The following ERMARD variants were observed in gnomAD, a reference collection of about 807,000 sequenced individuals.
ERMARD encodes endoplasmic reticulum membrane-associated RNA degradation protein.
A neutral mutation model predicts 83.9 loss-of-function variants in ERMARD; 71 were observed. The ratio of observed to expected loss-of-function variants is 0.85; its 90% CI spans 0.70 to 1.03. The LOEUF is 1.03. Ranked by LOEUF, ERMARD falls within the 50% of genes least tolerant of loss-of-function variation. ERMARD has a pLI of 0.00. For missense variants in ERMARD, 838 were observed against 810.9 expected (o/e 1.03, Z -0.41); for synonymous variants, 284 against 298.6 (o/e 0.95, Z 0.50).
At chr6:169,751,540 A>T (rs1019151316), upstream of ERMARD, 6 of 1,610,604 alleles carry the variant, frequency 3.7e-6, no homozygotes, top group Admixed American at 1.0e-4. Flanking sequence ...CGAGGGCGGA[A>T]GTCTCCCACC....
At chr6:169,758,907 A>C in intron 5 of ERMARD, 61 bp from the exon 6 acceptor site, 7 of 1,425,986 alleles carry the variant, frequency 4.9e-6, no homozygotes, top group Non-Finnish European at 6.9e-6. Flanking sequence ...TGTTATCTTC[A>C]TACTATATTG....
chr6:169,776,802 A>G (rs1793664101), intron 16 of ERMARD, 129 bp downstream of exon 16: 2 of 1,092,800 alleles, frequency 1.8e-6, no homozygotes. Flanking sequence ...GTGTTGATAT[A>G]CTTGGAGTCC....
rs531399004 is a variant in ERMARD at position 169,767,122 on chromosome 6, G to A, written c.990+455G>A. On this transcript the variant is annotated intron_variant, in intron 10 of 17. Transcript: ENST00000366773. ...CACAGGCATTTGTGTGCGTAACCCCGGGTAGCGTTCATGTGCACCTAAAGT... is the reference window on the plus strand; with the variant it reads ...CACAGGCATTTGTGTGCGTAACCCCAGGTAGCGTTCATGTGCACCTAAAGT... The A allele has an allele frequency of 5.8e-5, 9 of 154,108 alleles. No homozygotes were observed. In the South Asian group the frequency reaches 1.4e-3, roughly 24 times the overall value. The allele number at this position is 154,108 out of a possible 1,614,324, so 9.5% of individuals were successfully genotyped here. A position where few individuals can be genotyped will look rare whatever the true frequency, so the allele number is the denominator to read the frequency against.
chr6:169,751,423 G>T (rs1210166578), upstream of ERMARD: 1 of 1,614,168 alleles, frequency 6.2e-7, no homozygotes, highest in South Asian at 1.1e-5. Context: ...GGGTCTGGAT[G>T]GGGCTCGACT....
upstream of ERMARD, chr6:169,751,595 C>A: frequency 6.3e-7 from 1 of 1,597,232 alleles, no homozygotes; most frequent in Admixed American, 1.8e-5. Context: ...TCCAAAGCGC[C>A]TGGAGGAGGG....
chr6:169,752,463 G>T (rs1301086317), intron 1 of ERMARD, among the ~76,000 whole-genome samples: 1 of 152,198 alleles, frequency 6.6e-6, no homozygotes. Flanking sequence ...GCCCCATAGA[G>T]CCACATGGAG....
At chr6:169,752,373 G>A (rs748820510) in intron 1 of ERMARD, among the ~76,000 whole-genome samples, 2 of 152,224 alleles carry the variant, frequency 1.3e-5, no homozygotes, top group Non-Finnish European at 2.9e-5. Context: ...TCCAAGGCAA[G>A]AGGTAGTCAG....
intron 16 of ERMARD, among the ~76,000 whole-genome samples, chr6:169,778,658 A>G (rs775169951): frequency 6.6e-6 from 1 of 152,206 alleles, no homozygotes; most frequent in Non-Finnish European, 1.5e-5. Context: ...TTATAAGACA[A>G]GGTCATTCTC....
chr6:169,776,780 C>A, intron 16 of ERMARD, 107 bp downstream of exon 16: 1 of 1,301,208 alleles, frequency 7.7e-7, no homozygotes, highest in Non-Finnish European at 1.1e-6. Context: ...CCTCACTGAA[C>A]CCCATCGACA....
At chr6:169,755,200 C>A in intron 2 of ERMARD, 83 bp from the exon 3 acceptor site, 2 of 1,469,922 alleles carry the variant, frequency 1.4e-6, no homozygotes, top group South Asian at 1.3e-5. Context: ...ATAATTAAAG[C>A]ATTTTTTTCT....
intron 12 of ERMARD, 92 bp downstream of exon 12, chr6:169,769,805 T>G: frequency 8.5e-7 from 1 of 1,182,192 alleles, no homozygotes; most frequent in Non-Finnish European, 1.1e-6. Context: ...CTGTTAATCA[T>G]CTTTTAATAT....
chr6:169,781,415 C>T lies in ERMARD; in HGVS notation c.1939C>T (p.Leu647Phe). 6.2e-7 allele frequency: 1 copy of T among 1,613,472 alleles called. No individual in the cohort carries two copies. The highest frequency in any genetic ancestry group is 1.7e-5 in the Admixed American group (1 of 59,936). The change falls in exon 18 of 18, where the codon CTT (leucine) becomes TTT (phenylalanine). Residue 647 changes from leucine (L) to phenylalanine (F), a missense_variant. Transcript: ENST00000366773. Reference sequence around the variant, plus strand: ...GAACAAGTGGAATGAAACTATCAATCTTACACATACAGCTTTGTTGAAAAT... The same window carrying T: ...GAACAAGTGGAATGAAACTATCAATTTTACACATACAGCTTTGTTGAAAAT... The part of the protein sequence containing the change: ...EKNKWNETIN[L>F]THTALLKMWT...
Position 169,775,317 on chromosome 6 carries a change from C to T in ERMARD, c.1365C>T (p.Phe455=), listed in dbSNP as rs1793450887. ...TCAGGGTTTGGGCTCTGCTGCCTTTCCCCGAAGAACTCACTCGGCAAGCCG... is the reference window on the plus strand; with the variant it reads ...TCAGGGTTTGGGCTCTGCTGCCTTTTCCCGAAGAACTCACTCGGCAAGCCG... The part of the protein sequence containing the change: ...ESIRVWALLP[F]PEELTRQAVR... The change falls in exon 14 of 18, where the codon TTC becomes TTT. Residue 455 remains phenylalanine, a synonymous_variant. Transcript: ENST00000366773. 3 of 1,614,044 alleles carry T rather than the reference C, an allele frequency of 1.9e-6. No individual in the cohort carries two copies.
At chr6:169,758,503 T>C (rs1199814843) in intron 5 of ERMARD, among the ~76,000 whole-genome samples, 2 of 152,266 alleles carry the variant, frequency 1.3e-5, no homozygotes, top group African/African-American at 4.8e-5. Flanking sequence ...GCATCTGCCC[T>C]GCTGCCTCTG....
intron 3 of ERMARD, 165 bp downstream of exon 3, chr6:169,755,587 G>A: frequency 1.3e-6 from 1 of 757,656 alleles, no homozygotes. Flanking sequence ...GGTCTCCAAA[G>A]CCTGAGCTGA....
In ERMARD at chr6:169,762,570, T is replaced by C. The variant is rs1247364712; in HGVS notation, c.960+39T>C. On this transcript the variant is annotated intron_variant, in intron 9 of 17. Coordinates refer to ENST00000366773, the MANE Select transcript of ERMARD (RefSeq NM_018341.3). ...TATTATTGATTGTGATCATTGTTGC[T>C]GTATTAACAGTTTTCTGTTACCAAT... 5 of 1,532,110 alleles carry C rather than the reference T, an allele frequency of 3.3e-6. No homozygotes were observed. In the Admixed American group the frequency reaches 5.2e-5, roughly 16 times the overall value. The allele number at this position is 1,532,110 out of a possible 1,614,324, so 94.9% of individuals were successfully genotyped here.
chr6:169,753,385 C>A (rs1012653914), intron 1 of ERMARD: 1 of 154,298 alleles, frequency 6.5e-6, no homozygotes, highest in African/African-American at 2.4e-5. Flanking sequence ...ACGTGGGGTT[C>A]TTTTTCCTTC....
At chr6:169,755,757 C>T (rs770175399) in intron 3 of ERMARD, 2 of 207,956 alleles carry the variant, frequency 9.6e-6, no homozygotes, top group Non-Finnish European at 1.9e-5. Context: ...TGTTCTAAGA[C>T]AGTGGGGCCT....
intron 1 of ERMARD, chr6:169,753,443 A>G (rs570787273): frequency 6.5e-6 from 1 of 154,944 alleles, no homozygotes; most frequent in Non-Finnish European, 1.5e-5. Context: ...ATTTAAAAAA[A>G]TTGCTTATTT....
Sources: gnomAD v4.1 joint callset for allele counts (sites outside exome capture counted in the v4.1 genomes callset) on GRCh38, gnomAD v4.1.1 for gene constraint, MANE v1.5 for transcripts, NCBI Gene and HGNC (gene_info 2026-07-23, HGNC 2026-07-21) for gene names.